The following TTC28 variants were observed in gnomAD, a reference collection of about 807,000 sequenced individuals.
The protein encoded by TTC28 is tetratricopeptide repeat domain 28.
A neutral mutation model predicts 198.0 loss-of-function variants in TTC28; 61 were observed. The ratio of observed to expected loss-of-function variants is 0.31; its 90% CI spans 0.25 to 0.38. The LOEUF is 0.38. TTC28 is among the 10% of genes least tolerant of loss of function. The pLI is 1.00. For synonymous variants in TTC28, 1,171 were observed against 1,297.8 expected, an observed-to-expected ratio of 0.90 and a Z score of 2.10; for missense variants, 2,678 against 3,164.0, an observed-to-expected ratio of 0.85 and a Z score of 3.69.
At chr22:28,343,046 C>A (rs1255492044) in intron 2 of TTC28, among the ~76,000 whole-genome samples, 2 of 151,958 alleles carry the variant, frequency 1.3e-5, no homozygotes, top group Non-Finnish European at 2.9e-5. Context: ...TGGCAGAAGA[C>A]AACATACACA....
chr22:28,069,114 G>C (rs182739053), intron 12 of TTC28, among the ~76,000 whole-genome samples: 2 of 152,306 alleles, frequency 1.3e-5, no homozygotes, highest in African/African-American at 2.4e-5. Flanking sequence ...AGTCTGGAAA[G>C]GCAGTGAGTG....
intron 5 of TTC28, among the ~76,000 whole-genome samples, chr22:28,275,469 G>A (rs998801249): frequency 1.3e-5 from 2 of 152,152 alleles, no homozygotes; most frequent in Non-Finnish European, 2.9e-5. Context: ...TAGGAACCAG[G>A]AAGCTAGTCC....
chr22:28,670,363 A>T (rs2145708168), intron 1 of TTC28, among the ~76,000 whole-genome samples: 1 of 152,202 alleles, frequency 6.6e-6, no homozygotes, highest in East Asian at 1.9e-4. Flanking sequence ...GTTCGTGACA[A>T]ACACTAATCT....
intron 13 of TTC28, 26 bp from the exon 14 acceptor site, chr22:28,014,418 A>G: frequency 6.5e-7 from 1 of 1,536,464 alleles, no homozygotes. Flanking sequence ...CCGAGGGATC[A>G]ATCAGGGCCA....
intron 2 of TTC28, among the ~76,000 whole-genome samples, chr22:28,428,106 A>G (rs566642289): frequency 6.6e-6 from 1 of 152,092 alleles, no homozygotes; most frequent in East Asian, 1.9e-4. Context: ...TTGCAAAGAA[A>G]GAACATCGTA....
At chr22:28,371,150 T>C (rs2046325044) in intron 2 of TTC28, among the ~76,000 whole-genome samples, 1 of 152,124 alleles carries the variant, frequency 6.6e-6, no homozygotes, top group South Asian at 2.1e-4. Context: ...ACCAGTTTTT[T>C]TCACAGTGGG....
In TTC28 at chr22:28,105,793, C is replaced by T; in HGVS notation, c.2793G>A (p.Gly931=). 6.5e-7 allele frequency: 1 copy of T among 1,549,942 alleles called. No individual in the cohort carries two copies. The highest frequency in any genetic ancestry group is 1.7e-4 in the Middle Eastern group (1 of 5,986). ...AGCACACAAGGGCTTGCTGCAAGCT[C>T]CCCATTGCCCTGTGGGGATGTAGAC... is the stretch of plus-strand genomic sequence containing the variant. The part of the protein sequence containing the change: ...RGLGNGHRAM[G]SLQQALVCFE... Residue 931 remains glycine (G), a synonymous_variant, in exon 8 of 23, where the codon GGG becomes GGA. Transcript: ENST00000397906.
chr22:28,583,818 A>G (rs1489901687), intron 2 of TTC28, among the ~76,000 whole-genome samples: 1 of 152,188 alleles, frequency 6.6e-6, no homozygotes, highest in Non-Finnish European at 1.5e-5. Context: ...CTTTCAACTT[A>G]GCAAAAACAT....
At chr22:28,529,293 G>A (rs1056780528) in intron 2 of TTC28, among the ~76,000 whole-genome samples, 34 of 152,166 alleles carry the variant, frequency 2.2e-4, no homozygotes, top group Non-Finnish European at 3.8e-4. Context: ...CCACGCCCAC[G>A]GAGCCTCGCT....
At chr22:28,258,902 AGT>A (rs34572491) in intron 5 of TTC28, among the ~76,000 whole-genome samples, 8,938 of 147,202 alleles carry the variant, frequency 0.061, 358 homozygotes, top group African/African-American at 0.12. Flanking sequence ...TTGGTTAAAG[AGT>A]GTGTGTGTGT....
chr22:28,360,794 T>C (rs1454981849), intron 2 of TTC28, among the ~76,000 whole-genome samples: 4 of 152,246 alleles, frequency 2.6e-5, no homozygotes, highest in African/African-American at 9.6e-5. Context: ...AACCCTGCAT[T>C]GAGCAAGTCT....
chr22:28,082,688 A>C (rs1381006432), intron 12 of TTC28, among the ~76,000 whole-genome samples: 1 of 152,140 alleles, frequency 6.6e-6, no homozygotes, highest in African/African-American at 2.4e-5. Context: ...TTTCATGATA[A>C]ATATTGGTCT....
intron 3 of TTC28, chr22:28,303,639 T>G (rs2045072429): frequency 6.6e-6 from 1 of 152,138 alleles, no homozygotes. Flanking sequence ...AAATAAAATC[T>G]TAACACTTCC....
chr22:28,346,605 G>A (rs2045905792), intron 2 of TTC28, among the ~76,000 whole-genome samples: 1 of 152,200 alleles, frequency 6.6e-6, no homozygotes, highest in Non-Finnish European at 1.5e-5. Flanking sequence ...AAGTGACAAG[G>A]AGTGGGACTT....
chr22:28,157,466 GA>G (rs1458557057), intron 6 of TTC28, among the ~76,000 whole-genome samples: 1 of 152,068 alleles, frequency 6.6e-6, no homozygotes, highest in African/African-American at 2.4e-5. Context: ...ACCCTGATAC[GA>G]AAACCAAAGA....
At chr22:28,443,078 A>T (rs2047649619) in intron 2 of TTC28, 1 of 152,252 alleles carries the variant, frequency 6.6e-6, no homozygotes, top group Non-Finnish European at 1.5e-5. Context: ...TTTCGCCTTC[A>T]GTTCAATGAA....
At chr22:27,991,380 T>C (rs1288197066) in intron 19 of TTC28, among the ~76,000 whole-genome samples, 1 of 152,192 alleles carries the variant, frequency 6.6e-6, no homozygotes, top group Non-Finnish European at 1.5e-5. Flanking sequence ...TATGCAGTGT[T>C]CTGGAAGTGT....
intron 13 of TTC28, among the ~76,000 whole-genome samples, chr22:28,022,128 G>C (rs1172688836): frequency 2.6e-5 from 4 of 152,218 alleles, no homozygotes; most frequent in Non-Finnish European, 5.9e-5. Flanking sequence ...TGGCCTGAGG[G>C]GGAGCCCTCT....
intron 12 of TTC28, among the ~76,000 whole-genome samples, chr22:28,069,700 C>CT (rs1314788643): frequency 6.6e-6 from 1 of 152,064 alleles, no homozygotes; most frequent in Non-Finnish European, 1.5e-5. Flanking sequence ...AGACAAGTAG[C>CT]TTTTTTTCTC....
Sources: gnomAD v4.1 joint callset for allele counts (sites outside exome capture counted in the v4.1 genomes callset) on GRCh38, gnomAD v4.1.1 for gene constraint, MANE v1.5 for transcripts, NCBI Gene and HGNC (gene_info 2026-07-23, HGNC 2026-07-21) for gene names.